Variants in GRIP1 observed in about 807,000 individuals in gnomAD.
GRIP1 encodes glutamate receptor-interacting protein 1.
GRIP1 carries 45 observed loss-of-function variants against 129.9 expected under a neutral mutation model. That is an observed-to-expected ratio of 0.35 (90% CI 0.27 to 0.44). The LOEUF is 0.44. GRIP1 is among the 20% of genes least tolerant of loss of function. GRIP1 has a pLI of 1.00. For missense variants in GRIP1, 1,196 were observed against 1,396.8 expected, an observed-to-expected ratio of 0.86 and a Z score of 2.29; for synonymous variants, 530 against 520.8, an observed-to-expected ratio of 1.02 and a Z score of -0.24.
chr12:66,463,384 C>CGA (rs2059193654), intron 8 of GRIP1, among the ~76,000 whole-genome samples: 1 of 151,932 alleles, frequency 6.6e-6, no homozygotes, highest in Non-Finnish European at 1.5e-5. Flanking sequence ...TGAGGGAAAG[C>CGA]GAGCAAGAGG....
chr12:66,625,463 A>T (rs948715944), intron 1 of GRIP1, among the ~76,000 whole-genome samples: 4 of 152,164 alleles, frequency 2.6e-5, no homozygotes, highest in Non-Finnish European at 5.9e-5. Flanking sequence ...TTTTAAAGGG[A>T]CTCAATAAAG....
chr12:66,678,039 A>G (rs1464127650), intron 1 of GRIP1, among the ~76,000 whole-genome samples: 4 of 152,170 alleles, frequency 2.6e-5, no homozygotes, highest in African/African-American at 9.7e-5. Flanking sequence ...ATCTAAAGGA[A>G]ATAAGGCAAG....
chr12:66,830,697 T>C (rs1008816480), intron 1 of GRIP1, among the ~76,000 whole-genome samples: 8 of 152,072 alleles, frequency 5.3e-5, no homozygotes, highest in African/African-American at 1.9e-4. Flanking sequence ...ATCATTATCA[T>C]CCCCATTTTA....
chr12:66,579,659 A>G (rs1281212655), intron 2 of GRIP1, among the ~76,000 whole-genome samples: 5 of 152,196 alleles, frequency 3.3e-5, no homozygotes, highest in African/African-American at 9.6e-5. Flanking sequence ...GGGTATCAGC[A>G]ATGGAAGATG....
chr12:67,012,563 AG>A (rs1565638528), intron 1 of GRIP1, among the ~76,000 whole-genome samples: 1 of 152,178 alleles, frequency 6.6e-6, no homozygotes, highest in African/African-American at 2.4e-5. Context: ...TTGTGACAAG[AG>A]CTTCATATGC....
chr12:66,431,929 G>A (rs557399732), intron 14 of GRIP1, among the ~76,000 whole-genome samples: 129 of 152,228 alleles, frequency 8.5e-4, no homozygotes, highest in Admixed American at 2.7e-3. Context: ...CAGACACTGT[G>A]CACTATGGAG....
intron 2 of GRIP1, among the ~76,000 whole-genome samples, chr12:66,550,757 C>A (rs2062098741): frequency 6.6e-6 from 1 of 152,124 alleles, no homozygotes; most frequent in South Asian, 2.1e-4. Context: ...TATTCCTACA[C>A]AATCATCTGA....
Position 66,709,955 on chromosome 12 carries a change from G to A in GRIP1, c.-419-79619C>T, listed in dbSNP as rs544756298. On this transcript the variant is annotated intron_variant, in intron 1 of 4. Coordinates refer to the GRIP1 transcript ENST00000538373. ...CTGATATTTTTCTCATGATTAGACT[G>A]GAATTATATGTTATTAGGAAGGAAA... Among the ~76,000 whole-genome samples the A allele has an allele frequency of 3.3e-5, 5 of 152,014 alleles. No homozygotes were observed. In the South Asian group the frequency reaches 1.0e-3, roughly 32 times the overall value.
rs776337478 is a variant in GRIP1 at position 66,698,585 on chromosome 12, CAG to C, written c.-419-68251_-419-68250del. ...AAGTCTCCTAGGCTAGAAATCTCGGCAGAGTTATTTTCTCTTTTCTTGCCTTC... is the reference window on the plus strand; with the variant it reads ...AAGTCTCCTAGGCTAGAAATCTCGGCAGTTATTTTCTCTTTTCTTGCCTTC... On this transcript the variant is annotated intron_variant, in intron 1 of 4. Transcript: ENST00000538373. Among the ~76,000 whole-genome samples, 29 of 152,304 alleles carry C rather than the reference CAG, an allele frequency of 1.9e-4. 1 individual carries two copies. Among genetic ancestry groups the C allele is most frequent in the South Asian group, 1.4e-3 (7 of 4,828 alleles).
At chr12:67,068,112 T>C (rs2043662320) in intron 1 of GRIP1, among the ~76,000 whole-genome samples, 1 of 152,242 alleles carries the variant, frequency 6.6e-6, no homozygotes, top group African/African-American at 2.4e-5. Context: ...TAGGAAATTC[T>C]GGTGCACTCA....
intron 1 of GRIP1, among the ~76,000 whole-genome samples, chr12:66,641,076 T>C (rs890184665): frequency 6.6e-6 from 1 of 152,256 alleles, no homozygotes; most frequent in Non-Finnish European, 1.5e-5. Flanking sequence ...GTCATATTTT[T>C]CCTCATTTTA....
At chr12:66,763,709 G>A (rs535831684) in intron 1 of GRIP1, among the ~76,000 whole-genome samples, 1 of 152,322 alleles carries the variant, frequency 6.6e-6, no homozygotes, top group Admixed American at 6.5e-5. Flanking sequence ...CACATGTCAG[G>A]AGGGATAATG....
chr12:66,739,662 TG>T (rs2036724347), intron 1 of GRIP1, among the ~76,000 whole-genome samples: 1 of 151,596 alleles, frequency 6.6e-6, no homozygotes, highest in Admixed American at 6.6e-5. Context: ...GATGGGTTGA[TG>T]GGTGCAGCAA....
chr12:66,520,888 C>T (rs151010518), intron 5 of GRIP1, among the ~76,000 whole-genome samples: 1 of 152,318 alleles, frequency 6.6e-6, no homozygotes, highest in African/African-American at 2.4e-5. Flanking sequence ...GCATGTGATT[C>T]AAGAACCTTC....
chr12:66,862,242 T>C (rs2040125420), intron 1 of GRIP1, among the ~76,000 whole-genome samples: 3 of 152,046 alleles, frequency 2.0e-5, no homozygotes, highest in African/African-American at 7.2e-5. Context: ...AAGTGGAAAG[T>C]ATGAATAAAA....
At chr12:66,854,869 A>G (rs2039975714) in intron 1 of GRIP1, among the ~76,000 whole-genome samples, 1 of 152,054 alleles carries the variant, frequency 6.6e-6, no homozygotes, top group African/African-American at 2.4e-5. Flanking sequence ...TACCCTATAC[A>G]GCAAATAACA....
chr12:66,707,036 T>C (rs2035554358), intron 1 of GRIP1, among the ~76,000 whole-genome samples: 1 of 151,884 alleles, frequency 6.6e-6, no homozygotes, highest in Non-Finnish European at 1.5e-5. Flanking sequence ...CCACTTAAGT[T>C]TGAACAAACA....
At chr12:66,837,963 G>A (rs1336755107) in intron 1 of GRIP1, among the ~76,000 whole-genome samples, 1 of 152,216 alleles carries the variant, frequency 6.6e-6, no homozygotes, top group Non-Finnish European at 1.5e-5. Context: ...GGAGGCCAAG[G>A]TGGGCGGATC....
chr12:67,013,756 C>T (rs1450107526), intron 1 of GRIP1, among the ~76,000 whole-genome samples: 1 of 152,152 alleles, frequency 6.6e-6, no homozygotes, highest in Admixed American at 6.6e-5. Flanking sequence ...CATGTAGCAG[C>T]CATTTTATCT....
Sources: allele counts gnomAD v4.1 joint callset (sites outside exome capture counted in the v4.1 genomes callset), GRCh38; gene constraint gnomAD v4.1.1; transcripts MANE v1.5; gene names NCBI Gene and HGNC (gene_info 2026-07-23, HGNC 2026-07-21).